ELAVL2: variants seen among roughly 807,000 people sequenced by gnomAD.
ELAVL2 encodes ELAV-like protein 2.
A neutral mutation model predicts 34.6 loss-of-function variants in ELAVL2; 4 were observed. That is an observed-to-expected ratio of 0.12 (90% CI 0.06 to 0.26). The LOEUF (loss-of-function observed/expected upper bound fraction) is 0.26, where lower values mean the gene tolerates loss of function less well. Among genes scored for constraint, ELAVL2 ranks in the 10% least tolerant of loss-of-function variants. The pLI is 1.00. For missense variants in ELAVL2, 432 were observed against 442.8 expected, an observed-to-expected ratio of 0.98 and a Z score of 0.22; for synonymous variants, 193 against 154.8, an observed-to-expected ratio of 1.25 and a Z score of -1.83.
At chr9:23,707,336 G>A (rs1215685155) in intron 3 of ELAVL2, among the ~76,000 whole-genome samples, 1 of 152,156 alleles carries the variant, frequency 6.6e-6, no homozygotes, top group Non-Finnish European at 1.5e-5. Context: ...TCCAGAAAAG[G>A]TGAAACCTCA....
Position 23,692,785 on chromosome 9 carries a change from A to G in ELAVL2, c.852T>C (p.Ala284=), listed in dbSNP as rs947719331. The change falls in exon 7 of 7, where the codon GCT becomes GCC. Residue 284 remains alanine, a synonymous_variant. Coordinates refer to ENST00000397312, the MANE Select transcript of ELAVL2 (RefSeq NM_004432.5). ...ACAGGATACTCTCATCTGCGTCAGG[A>G]GCCAGGTTGTACACAAATATACACC... ...TGWCIFVYNL[A]PDADESILWQ... 1.7e-5 allele frequency: 27 copies of G among 1,614,050 alleles called. No homozygotes were observed. The highest frequency in any genetic ancestry group is 2.7e-5 in the African/African-American group (2 of 74,932).
At chr9:23,713,198 T>C (rs1440623569) in intron 3 of ELAVL2, among the ~76,000 whole-genome samples, 1 of 152,218 alleles carries the variant, frequency 6.6e-6, no homozygotes, top group Non-Finnish European at 1.5e-5. Flanking sequence ...GGACATCTCA[T>C]ACTGGTAAAG....
chr9:23,763,318 C>A lies in ELAVL2; in HGVS notation c.-15-1069G>T, dbSNP rs140843293. On this transcript the variant is annotated intron_variant, in intron 1 of 6. Coordinates refer to ENST00000397312, the MANE Select transcript of ELAVL2 (RefSeq NM_004432.5). ...CTAGTTTCCTAAAACCAATCCTATG[C>A]AAAAGAGTCACAAACCACAGCCCCA... Among the ~76,000 whole-genome samples, 252 of 152,168 alleles carry A rather than the reference C, an allele frequency of 1.7e-3. 1 individual carries two copies. The highest frequency in any genetic ancestry group is 5.9e-3 in the African/African-American group (244 of 41,536).
At chr9:23,779,192 G>C (rs373194666) in intron 1 of ELAVL2, 10 of 985,316 alleles carry the variant, frequency 1.0e-5, no homozygotes, top group East Asian at 2.3e-4. Context: ...AGGTAAAACA[G>C]GAGGTAAGTG....
At chr9:23,726,050 G>A (rs1487033011) in intron 3 of ELAVL2, among the ~76,000 whole-genome samples, 1 of 151,806 alleles carries the variant, frequency 6.6e-6, no homozygotes, top group Non-Finnish European at 1.5e-5. Context: ...ATATTCCTAT[G>A]TTAAGGGTCA....
intron 1 of ELAVL2, among the ~76,000 whole-genome samples, chr9:23,783,114 T>TA (rs1227107207): frequency 1.4e-5 from 2 of 143,972 alleles, no homozygotes; most frequent in Non-Finnish European, 3.0e-5. Flanking sequence ...GCAATAAGCA[T>TA]ACCTGGAATT....
rs141762874 is a variant in ELAVL2, at chr9:23,699,403, T to C, written c.713+1976A>G. Among the ~76,000 whole-genome samples the C allele has an allele frequency of 1.1e-3, 169 of 152,298 alleles. 2 individuals are homozygous for C. In the East Asian group the frequency reaches 0.02, roughly 18 times the overall value. On this transcript the variant is annotated intron_variant, in intron 5 of 6. Transcript: ENST00000397312. ...ACTTAATAACTATCAAACAAAATCA[T>C]TGCTTCAATCTGGAAAAAAAAAGTA...
At chr9:23,758,184 A>C (rs896027936) in intron 2 of ELAVL2, among the ~76,000 whole-genome samples, 3 of 152,034 alleles carry the variant, frequency 2.0e-5, no homozygotes, top group Non-Finnish European at 4.4e-5. Flanking sequence ...ACGTACTGAG[A>C]AACTGCACAA....
intron 5 of ELAVL2, among the ~76,000 whole-genome samples, chr9:23,695,500 C>T (rs933595155): frequency 1.8e-4 from 27 of 152,078 alleles, no homozygotes; most frequent in Non-Finnish European, 3.8e-4. Context: ...AGTGAATTAC[C>T]GTCAGGCCTT....
chr9:23,705,576 C>T (rs1563975581), intron 3 of ELAVL2, among the ~76,000 whole-genome samples: 2 of 152,202 alleles, frequency 1.3e-5, no homozygotes, highest in Non-Finnish European at 2.9e-5. Context: ...TGGTCCCCAA[C>T]CTTTTTGGTA....
At chr9:23,795,881 T>C (rs2060858511) in intron 1 of ELAVL2, among the ~76,000 whole-genome samples, 1 of 152,214 alleles carries the variant, frequency 6.6e-6, no homozygotes, top group Non-Finnish European at 1.5e-5. Context: ...TCATTTTTAA[T>C]ATTGACTCCT....
chr9:23,694,922 G>A (rs953341886), intron 5 of ELAVL2, among the ~76,000 whole-genome samples: 1 of 152,142 alleles, frequency 6.6e-6, no homozygotes, highest in African/African-American at 2.4e-5. Context: ...TTGCACCACT[G>A]AGCACAAGCC....
chr9:23,721,937 T>C (rs1353456713), intron 3 of ELAVL2, among the ~76,000 whole-genome samples: 1 of 152,208 alleles, frequency 6.6e-6, no homozygotes, highest in African/African-American at 2.4e-5. Flanking sequence ...AGTAGTTAGG[T>C]TTTTGAGGAG....
intron 2 of ELAVL2, among the ~76,000 whole-genome samples, chr9:23,750,672 T>C (rs961471144): frequency 2.0e-5 from 3 of 152,178 alleles, no homozygotes; most frequent in African/African-American, 7.2e-5. Context: ...CATGAGAAGA[T>C]GTCAATTGAT....
intron 1 of ELAVL2, among the ~76,000 whole-genome samples, chr9:23,815,557 T>C (rs1262896150): frequency 6.6e-6 from 1 of 152,208 alleles, no homozygotes; most frequent in African/African-American, 2.4e-5. Context: ...TACTACCACC[T>C]TTCCAATTCA....
intron 2 of ELAVL2, among the ~76,000 whole-genome samples, 157 bp from the exon 3 acceptor site, chr9:23,731,282 T>C (rs2046464023): frequency 2.0e-5 from 3 of 152,088 alleles, no homozygotes; most frequent in South Asian, 2.1e-4. Flanking sequence ...ATGAAGTCTT[T>C]ATGTCTCCTG....
chr9:23,701,001 T>C (rs971097408), intron 5 of ELAVL2, among the ~76,000 whole-genome samples: 1 of 152,142 alleles, frequency 6.6e-6, no homozygotes, highest in East Asian at 1.9e-4. Flanking sequence ...TTCTGGTTGC[T>C]GGGGCTATGC....
At chr9:23,713,330 T>C (rs1257437959) in intron 3 of ELAVL2, among the ~76,000 whole-genome samples, 1 of 152,152 alleles carries the variant, frequency 6.6e-6, no homozygotes, top group Non-Finnish European at 1.5e-5. Context: ...TGAGCAATGG[T>C]AGTGGATATG....
rs574319703 is a variant in ELAVL2 at position 23,695,215 on chromosome 9, A to C, written c.714-1729T>G. On this transcript the variant is annotated intron_variant, in intron 5 of 6. Coordinates refer to ENST00000397312, the MANE Select transcript of ELAVL2 (RefSeq NM_004432.5). Reference sequence around the variant, plus strand: ...ATAAAGTAACAATACAATTTTATCAAATTGCTGGAATGATCAACACAGAAT... The same window carrying C: ...ATAAAGTAACAATACAATTTTATCACATTGCTGGAATGATCAACACAGAAT... Among the ~76,000 whole-genome samples, 3 of 152,296 alleles carry C rather than the reference A, an allele frequency of 2.0e-5. No homozygotes were observed. In the East Asian group the frequency reaches 5.8e-4, roughly 30 times the overall value.
Sources: allele counts gnomAD v4.1 joint callset (sites outside exome capture counted in the v4.1 genomes callset), GRCh38; gene constraint gnomAD v4.1.1; transcripts MANE v1.5; gene names NCBI Gene and HGNC (gene_info 2026-07-23, HGNC 2026-07-21).